Variants in PHKB observed in about 807,000 individuals in gnomAD.
The protein encoded by PHKB is phosphorylase b kinase regulatory subunit beta.
A neutral mutation model predicts 152.1 loss-of-function variants in PHKB; 122 were observed. The ratio of observed to expected loss-of-function variants is 0.80; its 90% CI spans 0.69 to 0.93. The LOEUF is 0.93. Among genes scored for constraint, PHKB ranks in the 40% least tolerant of loss-of-function variants. PHKB has a pLI of 0.00. For synonymous variants in PHKB, 436 were observed against 464.9 expected (o/e 0.94, Z 0.80); for missense variants, 1,304 against 1,328.4 (o/e 0.98, Z 0.29).
chr16:47,480,335 C>CT (rs1274123049), intron 1 of PHKB, among the ~76,000 whole-genome samples: 2 of 152,146 alleles, frequency 1.3e-5, no homozygotes, highest in Non-Finnish European at 2.9e-5. Context: ...TGTGGAGGCT[C>CT]TTTCTGATGC....
intron 16 of PHKB, among the ~76,000 whole-genome samples, 155 bp downstream of exon 16, chr16:47,641,847 A>G (rs184118496): frequency 5.0e-4 from 76 of 152,242 alleles, no homozygotes; most frequent in Middle Eastern, 3.4e-3. Context: ...GTCCACTTTA[A>G]TGGACATTGT....
chr16:47,661,780 C>T lies in PHKB; in HGVS notation c.2258C>T (p.Pro753Leu), dbSNP rs1476847006. The change falls in exon 23 of 31, where the codon CCC (proline) becomes CTC (leucine). Residue 753 changes from proline (P) to leucine (L), a missense_variant. Coordinates refer to ENST00000323584, the MANE Select transcript of PHKB (RefSeq NM_000293.3). ...GGTATACTGCTCAAAAGAGAAGGCC[C>T]CAACTTCATCACAAAGGAAGGTAAG... ...LLGILLKREG[P>L]NFITKEGTVS... 1 of 1,612,318 alleles carries T rather than the reference C, an allele frequency of 6.2e-7. No homozygotes were observed. The highest frequency in any genetic ancestry group is 8.5e-7 in the Non-Finnish European group (1 of 1,178,556).
intron 1 of PHKB, among the ~76,000 whole-genome samples, chr16:47,483,439 A>G (rs773763361): frequency 1.3e-5 from 2 of 152,162 alleles, no homozygotes; most frequent in Non-Finnish European, 2.9e-5. Context: ...CTGTCATTTA[A>G]GCCTTAGAAG....
At chr16:47,643,627 A>G (rs575294278) in intron 16 of PHKB, among the ~76,000 whole-genome samples, 11 of 152,308 alleles carry the variant, frequency 7.2e-5, no homozygotes, top group African/African-American at 2.6e-4. Flanking sequence ...CTCTTTGGAT[A>G]TATACTAAGA....
At chr16:47,502,016 T>G (rs1970332375) in intron 3 of PHKB, among the ~76,000 whole-genome samples, 1 of 152,200 alleles carries the variant, frequency 6.6e-6, no homozygotes. Context: ...ATAACTTACT[T>G]TTTACTGACA....
chr16:47,461,772 C>T (rs1311688014), intron 1 of PHKB, among the ~76,000 whole-genome samples: 1 of 152,184 alleles, frequency 6.6e-6, no homozygotes, highest in Non-Finnish European at 1.5e-5. Flanking sequence ...GTGAATGTGT[C>T]TTTCCTGTGA....
chr16:47,691,637 T>C (rs1167858518), intron 27 of PHKB, among the ~76,000 whole-genome samples: 1 of 150,728 alleles, frequency 6.6e-6, no homozygotes, highest in Non-Finnish European at 1.5e-5. Flanking sequence ...CCCAGTAAGC[T>C]GAGGCTGCAG....
chr16:47,567,096 A>G (rs946101956), intron 7 of PHKB, among the ~76,000 whole-genome samples: 4 of 152,216 alleles, frequency 2.6e-5, no homozygotes, highest in Admixed American at 2.6e-4. Context: ...TTGCATATGA[A>G]CCTTAGGATT....
chr16:47,683,492 G>A (rs1328782526), intron 26 of PHKB, among the ~76,000 whole-genome samples: 4 of 152,234 alleles, frequency 2.6e-5, no homozygotes, highest in South Asian at 2.1e-4. Context: ...CCTCGCTGCC[G>A]CCTTGCAGTT....
intron 14 of PHKB, among the ~76,000 whole-genome samples, chr16:47,637,550 G>A (rs1972943546): frequency 6.6e-6 from 1 of 152,182 alleles, no homozygotes; most frequent in South Asian, 2.1e-4. Flanking sequence ...GACACTTAGA[G>A]ATAATAGCTT....
At chr16:47,591,889 A>C (rs772645779) in intron 10 of PHKB, among the ~76,000 whole-genome samples, 2 of 152,120 alleles carry the variant, frequency 1.3e-5, no homozygotes, top group Non-Finnish European at 2.9e-5. Context: ...CCTCCTAAAA[A>C]TCCTAAAATT....
intron 4 of PHKB, among the ~76,000 whole-genome samples, chr16:47,508,533 T>G (rs1970457952): frequency 6.6e-6 from 1 of 152,172 alleles, no homozygotes; most frequent in Non-Finnish European, 1.5e-5. Context: ...GAGAAGATTT[T>G]TTTCTCTAAA....
chr16:47,614,554 T>C (rs1972484022), intron 14 of PHKB, among the ~76,000 whole-genome samples: 1 of 152,232 alleles, frequency 6.6e-6, no homozygotes, highest in South Asian at 2.1e-4. Context: ...AGTTGGTTGT[T>C]CTAGGAATTA....
Position 47,537,895 on chromosome 16 carries a change from TC to T in PHKB, c.595-9537del, listed in dbSNP as rs1567296771. On this transcript the variant is annotated intron_variant, in intron 6 of 30. Transcript: ENST00000323584. The stretch of plus-strand genomic sequence containing the variant: ...AATTCTCTCTCTCTCTCTCTCTCTC[TC>T]TCTCTCTTTTTAAGTTGAGGCAAGG... Among the ~76,000 whole-genome samples, 134 of 150,188 alleles carry T rather than the reference TC, an allele frequency of 8.9e-4. 1 individual carries two copies. The highest frequency in any genetic ancestry group is 3.2e-3 in the African/African-American group (128 of 39,738).
chr16:47,603,422 A>G (rs141698793), intron 13 of PHKB, among the ~76,000 whole-genome samples: 1 of 152,024 alleles, frequency 6.6e-6, no homozygotes, highest in Non-Finnish European at 1.5e-5. Context: ...CATTATAAAC[A>G]TCGGGAAGCA....
chr16:47,555,904 T>C (rs1971360444), intron 7 of PHKB, among the ~76,000 whole-genome samples: 1 of 152,226 alleles, frequency 6.6e-6, no homozygotes, highest in African/African-American at 2.4e-5. Context: ...TTCCTACCCA[T>C]GAGCATGGAA....
At chr16:47,574,932 C>T (rs1490359720) in intron 7 of PHKB, among the ~76,000 whole-genome samples, 2 of 152,092 alleles carry the variant, frequency 1.3e-5, no homozygotes, top group African/African-American at 4.8e-5. Flanking sequence ...CTTTTCTTGC[C>T]CTATTTTACC....
intron 6 of PHKB, among the ~76,000 whole-genome samples, chr16:47,517,400 T>G (rs1285034960): frequency 6.6e-6 from 1 of 151,842 alleles, no homozygotes; most frequent in Non-Finnish European, 1.5e-5. Context: ...GGACTGCAGA[T>G]GCACACCACC....
At chr16:47,548,615 A>C (rs1971216235) in intron 7 of PHKB, among the ~76,000 whole-genome samples, 2 of 152,092 alleles carry the variant, frequency 1.3e-5, no homozygotes, top group Non-Finnish European at 2.9e-5. Flanking sequence ...TCAAAAAAAA[A>C]AAAAAAAGAA....
Sources: gnomAD v4.1 joint callset for allele counts (sites outside exome capture counted in the v4.1 genomes callset) on GRCh38, gnomAD v4.1.1 for gene constraint, MANE v1.5 for transcripts, NCBI Gene and HGNC (gene_info 2026-07-23, HGNC 2026-07-21) for gene names.